Variants in SHTN1 observed in about 807,000 individuals in gnomAD.
The protein encoded by SHTN1 is shootin-1.
SHTN1 carries 42 observed loss-of-function variants against 83.1 expected under a neutral mutation model. The ratio of observed to expected loss-of-function variants is 0.51; its 90% CI spans 0.39 to 0.65. The LOEUF (loss-of-function observed/expected upper bound fraction) is 0.65, where lower values mean the gene tolerates loss of function less well. Ranked by LOEUF, SHTN1 falls within the 30% of genes least tolerant of loss-of-function variation. The pLI is 0.00. For synonymous variants in SHTN1, 224 were observed against 247.7 expected (o/e 0.90, Z 0.90); for missense variants, 622 against 737.8 (o/e 0.84, Z 1.82).
intron 16 of SHTN1, among the ~76,000 whole-genome samples, chr10:116,892,704 C>G (rs1336866875): frequency 6.6e-6 from 1 of 152,102 alleles, no homozygotes; most frequent in African/African-American, 2.4e-5. Flanking sequence ...TTTCATAGAG[C>G]TATATAATAA....
chr10:116,894,640 G>A (rs1361141475), intron 16 of SHTN1, among the ~76,000 whole-genome samples: 1 of 152,118 alleles, frequency 6.6e-6, no homozygotes, highest in East Asian at 1.9e-4. Context: ...GTTCCCTTTC[G>A]AAGGGCTTCT....
intron 15 of SHTN1, among the ~76,000 whole-genome samples, chr10:116,905,595 ATC>A (rs1404397062): frequency 1.3e-5 from 2 of 152,062 alleles, no homozygotes; most frequent in African/African-American, 2.4e-5. Context: ...GTCTGAGTAA[ATC>A]TCTCTCTGAA....
At chr10:116,910,190 G>C (rs560293809) in intron 14 of SHTN1, among the ~76,000 whole-genome samples, 1 of 152,256 alleles carries the variant, frequency 6.6e-6, no homozygotes, top group South Asian at 2.1e-4. Context: ...ACTTCTATGG[G>C]GGAAGAGGAG....
chr10:117,016,290 G>A (rs1852179525), intron 2 of SHTN1, among the ~76,000 whole-genome samples: 1 of 152,122 alleles, frequency 6.6e-6, no homozygotes, highest in Admixed American at 6.6e-5. Flanking sequence ...TGCGTTTTAT[G>A]TATCCCAATT....
At chr10:117,025,270 T>G (rs574547267) in intron 2 of SHTN1, among the ~76,000 whole-genome samples, 27 of 152,126 alleles carry the variant, frequency 1.8e-4, no homozygotes, top group Non-Finnish European at 2.4e-4. Flanking sequence ...GGAGAGGGAT[T>G]GACCCAGTAC....
intron 2 of SHTN1, among the ~76,000 whole-genome samples, chr10:117,028,514 AC>A (rs1473417693): frequency 2.6e-5 from 4 of 152,156 alleles, no homozygotes; most frequent in Non-Finnish European, 5.9e-5. Context: ...CATCACAGGC[AC>A]AGAGGCCTAG....
intron 1 of SHTN1, among the ~76,000 whole-genome samples, chr10:117,082,506 T>TCTCC (rs1260883684): frequency 6.6e-6 from 1 of 151,966 alleles, no homozygotes. Context: ...AAAAAATGTA[T>TCTCC]ACTCTGTTGA....
intron 1 of SHTN1, among the ~76,000 whole-genome samples, chr10:117,059,861 G>A (rs1336992774): frequency 6.6e-6 from 1 of 152,134 alleles, no homozygotes; most frequent in Non-Finnish European, 1.5e-5. Context: ...GAATCTCTCT[G>A]TATTATCTTT....
intron 11 of SHTN1, among the ~76,000 whole-genome samples, chr10:116,923,745 C>CT (rs1321114224): frequency 1.3e-5 from 2 of 152,054 alleles, no homozygotes; most frequent in Non-Finnish European, 2.9e-5. Context: ...TTGCAGTGGT[C>CT]TCATCATGTT....
intron 1 of SHTN1, among the ~76,000 whole-genome samples, chr10:117,067,182 G>A (rs1853014287): frequency 6.6e-6 from 1 of 152,154 alleles, no homozygotes; most frequent in Non-Finnish European, 1.5e-5. Flanking sequence ...AAATTGTGCT[G>A]GAGACATTAG....
At chr10:117,082,282 TTTCG>T (rs2133612759) in intron 1 of SHTN1, among the ~76,000 whole-genome samples, 1 of 120,656 alleles carries the variant, frequency 8.3e-6, no homozygotes, top group Admixed American at 9.7e-5. Flanking sequence ...TCTGCCTTCA[TTTCG>T]TTATGTACCC....
chr10:116,981,150 C>G (rs1252886540), intron 1 of SHTN1, among the ~76,000 whole-genome samples: 2 of 152,134 alleles, frequency 1.3e-5, no homozygotes, highest in African/African-American at 4.8e-5. Flanking sequence ...AAAACCCCGC[C>G]TCTACAAAAA....
chr10:116,952,151 G>C, intron 5 of SHTN1, 145 bp from the exon 6 acceptor site: 1 of 413,860 alleles, frequency 2.4e-6, no homozygotes. Flanking sequence ...AGAACCAAAG[G>C]ACAATGAGAA....
chr10:117,123,169 A>C (rs912846491), intron 1 of SHTN1, among the ~76,000 whole-genome samples: 2 of 152,060 alleles, frequency 1.3e-5, no homozygotes, highest in African/African-American at 4.8e-5. Flanking sequence ...AGCCCAGCTC[A>C]TTTTATATTT....
chr10:116,955,108 A>AC lies in SHTN1; in HGVS notation c.268-899_268-898insG, dbSNP rs1233374874. ...AGAGTTCTACTTCACAGCAAAAAAAAAAAAAAAAAAAAGGAATCCTACTTT... is the reference window on the plus strand; with the variant it reads ...AGAGTTCTACTTCACAGCAAAAAAAACAAAAAAAAAAAAGGAATCCTACTTT... On this transcript the variant is annotated intron_variant, in intron 4 of 16. Transcript: ENST00000355371. 7.3e-4 allele frequency among the ~76,000 whole-genome samples: 111 copies of AC among 151,848 alleles called. 2 individuals are homozygous for AC. The South Asian group carries it at 0.022, about 30-fold the overall frequency.
chr10:116,909,693 A>C (rs984851401), intron 14 of SHTN1, among the ~76,000 whole-genome samples: 1 of 152,226 alleles, frequency 6.6e-6, no homozygotes, highest in Non-Finnish European at 1.5e-5. Context: ...TGTTCAACTC[A>C]GAAAATAGAA....
chr10:116,994,514 A>G (rs1316787834), intron 1 of SHTN1, among the ~76,000 whole-genome samples: 1 of 152,116 alleles, frequency 6.6e-6, no homozygotes, highest in Non-Finnish European at 1.5e-5. Flanking sequence ...AGACAGAGAG[A>G]GAAGGGGAAA....
At chr10:117,096,335 T>C (rs1157408948) in intron 1 of SHTN1, among the ~76,000 whole-genome samples, 1 of 152,246 alleles carries the variant, frequency 6.6e-6, no homozygotes, top group Non-Finnish European at 1.5e-5. Flanking sequence ...ACCCATATGA[T>C]AGATTTCTTA....
chr10:117,037,186 C>T (rs1047279630), intron 2 of SHTN1, among the ~76,000 whole-genome samples: 4 of 152,104 alleles, frequency 2.6e-5, no homozygotes, highest in Middle Eastern at 3.2e-3. Context: ...TGCCTGTAGT[C>T]CCAGTGCTTG....
Sources: allele counts gnomAD v4.1 joint callset (sites outside exome capture counted in the v4.1 genomes callset), GRCh38; gene constraint gnomAD v4.1.1; transcripts MANE v1.5; gene names NCBI Gene and HGNC (gene_info 2026-07-23, HGNC 2026-07-21).